TEF: variants seen among roughly 807,000 people sequenced by gnomAD.
TEF encodes the protein TEF transcription factor, PAR bZIP family member.
Under a neutral mutation model 20.8 loss-of-function variants are expected in TEF, and 3 were observed. The observed-to-expected ratio is 0.14, with a 90% CI of 0.07 to 0.37. The LOEUF (loss-of-function observed/expected upper bound fraction) is 0.37. TEF is among the 10% of genes least tolerant of loss of function. The probability of loss-of-function intolerance (pLI) is 1.00; values close to 1 mark genes in which losing one functional copy is unlikely to be tolerated. For synonymous variants in TEF, 180 were observed against 171.1 expected (o/e 1.05, Z -0.41); for missense variants, 296 against 397.9 (o/e 0.74, Z 2.18).
At chr22:41,375,019 G>A (rs1325793552) in intron 1 of TEF, among the ~76,000 whole-genome samples, 1 of 152,178 alleles carries the variant, frequency 6.6e-6, no homozygotes, top group African/African-American at 2.4e-5. Context: ...AGGGGGTCTG[G>A]CTCCAGAGGC....
intron 1 of TEF, 113 bp downstream of exon 1, chr22:41,382,314 G>A (rs2037041519): frequency 4.2e-6 from 4 of 952,138 alleles, no homozygotes; most frequent in Non-Finnish European, 5.4e-6. Flanking sequence ...GTCCAGCGGA[G>A]GGGGATGGGG....
At chr22:41,372,747 A>G (rs144168888) in intron 1 of TEF, among the ~76,000 whole-genome samples, 46 of 152,128 alleles carry the variant, frequency 3.0e-4, no homozygotes, top group African/African-American at 1.1e-3. Context: ...GAGGGGAGAG[A>G]GAATCTGCTG....
chr22:41,380,410 C>T (rs114369883), upstream of TEF, among the ~76,000 whole-genome samples: 105 of 152,336 alleles, frequency 6.9e-4, no homozygotes, highest in African/African-American at 2.4e-3. Flanking sequence ...CCACCTCTGC[C>T]TCCCAAAGTG....
chr22:41,395,731 G>A lies in TEF; in HGVS notation c.697-14G>A. ...GGGAAAGACGAGAGACTCACAGAGG[G>A]CACTTCCCCACAGGATGAAAAGTAC... On this transcript the variant is annotated splice_polypyrimidine_tract_variant and intron_variant, in intron 3 of 3. Transcript: ENST00000266304. 6.2e-7 allele frequency: 1 copy of A among 1,610,540 alleles called. No homozygotes were observed. Among genetic ancestry groups the A allele is most frequent in the African/African-American group, 1.3e-5 (1 of 74,950 alleles).
chr22:41,374,195 C>T (rs548653857), intron 1 of TEF, among the ~76,000 whole-genome samples: 1 of 152,062 alleles, frequency 6.6e-6, no homozygotes, highest in South Asian at 2.1e-4. Flanking sequence ...TGCTTGAGCC[C>T]AGGAGTTTGA....
At chr22:41,369,825 G>T in intron 1 of TEF, 1 of 843,360 alleles carries the variant, frequency 1.2e-6, no homozygotes, top group Non-Finnish European at 1.4e-6. Context: ...AAACAGGGAT[G>T]CCCTCAGGTC....
intron 1 of TEF, among the ~76,000 whole-genome samples, chr22:41,373,656 G>A (rs751927091): frequency 2.8e-4 from 42 of 151,954 alleles, no homozygotes; most frequent in Non-Finnish European, 4.9e-4. Flanking sequence ...TTTTAGTAGA[G>A]ACGAGGTGTC....
chr22:41,388,286 C>T (rs1375103532), intron 2 of TEF, among the ~76,000 whole-genome samples: 2 of 152,078 alleles, frequency 1.3e-5, no homozygotes, highest in African/African-American at 4.8e-5. Flanking sequence ...GCGTAAGCTA[C>T]CACGCACAGC....
At chr22:41,393,078 C>T (rs1316518216) in intron 2 of TEF, among the ~76,000 whole-genome samples, 1 of 151,990 alleles carries the variant, frequency 6.6e-6, no homozygotes, top group African/African-American at 2.4e-5. Context: ...CAGTGGCTCA[C>T]ACCTGTAATC....
At chr22:41,381,350 G>A (rs1177452560), upstream of TEF, among the ~76,000 whole-genome samples, 1 of 132,252 alleles carries the variant, frequency 7.6e-6, no homozygotes, top group Non-Finnish European at 1.6e-5. Flanking sequence ...CTCGTGCACC[G>A]CCCCGGGCCC....
upstream of TEF, among the ~76,000 whole-genome samples, chr22:41,381,362 G>GC (rs1473188247): frequency 7.9e-6 from 1 of 126,916 alleles, no homozygotes; most frequent in Non-Finnish European, 1.7e-5. Context: ...CCCGGGCCCC[G>GC]CCCCCGCCCT....
chr22:41,395,744 G>A lies in TEF; in HGVS notation c.697-1G>A. 1 of 1,612,874 alleles carries A rather than the reference G, an allele frequency of 6.2e-7. No homozygotes were observed. Among genetic ancestry groups the A allele is most frequent in the Non-Finnish European group, 8.5e-7 (1 of 1,179,044 alleles). ...GACTCACAGAGGGCACTTCCCCACAGGATGAAAAGTACTGGACAAGACGCA... is the reference window on the plus strand; with the variant it reads ...GACTCACAGAGGGCACTTCCCCACAAGATGAAAAGTACTGGACAAGACGCA... On this transcript the variant is annotated splice_acceptor_variant, in intron 3 of 3. Coordinates refer to ENST00000266304, the MANE Select transcript of TEF (RefSeq NM_003216.4). LOFTEE classifies it high-confidence loss of function.
chr22:41,382,720 G>C (rs980348852), intron 1 of TEF, among the ~76,000 whole-genome samples: 1 of 152,030 alleles, frequency 6.6e-6, no homozygotes, highest in Non-Finnish European at 1.5e-5. Flanking sequence ...CCCTGGGTGT[G>C]AGTAGCGCCA....
chr22:41,384,687 A>T (rs2037074578), intron 1 of TEF, among the ~76,000 whole-genome samples: 1 of 152,216 alleles, frequency 6.6e-6, no homozygotes, highest in Non-Finnish European at 1.5e-5. Context: ...GAAATAAATC[A>T]GTTCATACTT....
chr22:41,396,250 C>T lies in TEF; in HGVS notation c.*290C>T. Reference sequence around the variant, plus strand: ...TGTCCCAGTTGAATCAGAAGGGGACCTCTGGAGTACACACCTCTCTCCTGG... The same window carrying T: ...TGTCCCAGTTGAATCAGAAGGGGACTTCTGGAGTACACACCTCTCTCCTGG... On this transcript the variant is annotated 3_prime_UTR_variant, in exon 4 of 4. Transcript: ENST00000266304. 1 of 380,452 alleles carries T rather than the reference C, an allele frequency of 2.6e-6. No individual in the cohort carries two copies. Among genetic ancestry groups the T allele is most frequent in the East Asian group, 5.0e-5 (1 of 19,934 alleles). The allele number at this position is 380,452 out of a possible 1,614,324, so 23.6% of individuals were successfully genotyped here.
At chr22:41,389,550 C>T (rs931223981) in intron 2 of TEF, among the ~76,000 whole-genome samples, 9 of 151,810 alleles carry the variant, frequency 5.9e-5, no homozygotes, top group Non-Finnish European at 1.0e-4. Flanking sequence ...ACCCGGGAGG[C>T]GGAGGTTGCA....
intron 2 of TEF, among the ~76,000 whole-genome samples, chr22:41,392,623 G>GAGA (rs1488792192): frequency 7.5e-6 from 1 of 133,116 alleles, no homozygotes; most frequent in African/African-American, 2.9e-5. Context: ...GCAGTGAGCT[G>GAGA]AGATCACGCC....
intron 1 of TEF, among the ~76,000 whole-genome samples, chr22:41,373,266 TG>T (rs2036903897): frequency 6.6e-6 from 1 of 152,182 alleles, no homozygotes; most frequent in South Asian, 2.1e-4. Flanking sequence ...TTCAACAATT[TG>T]TCCAAGGTCA....
rs527249731 is a variant in TEF at position 41,393,871 on chromosome 22, C to CT, written c.476-221dup. 4.5e-3 allele frequency among the ~76,000 whole-genome samples: 685 copies of CT among 152,020 alleles called. 3 individuals carry two copies. Among genetic ancestry groups the CT allele is most frequent in the Middle Eastern group, 0.01 (3 of 292 alleles). On this transcript the variant is annotated intron_variant, in intron 2 of 3. Transcript: ENST00000266304. Reference sequence around the variant, plus strand: ...TGTCTTTTTCTAGGGCTTCTGTTTCCTTTTGAGCATTCTGTTCCTGAAGGA... The same window carrying CT: ...TGTCTTTTTCTAGGGCTTCTGTTTCCTTTTTGAGCATTCTGTTCCTGAAGGA...
Sources: allele counts gnomAD v4.1 joint callset (sites outside exome capture counted in the v4.1 genomes callset), GRCh38; gene constraint gnomAD v4.1.1; transcripts MANE v1.5; gene names NCBI Gene and HGNC (gene_info 2026-07-23, HGNC 2026-07-21).